Variants in AGMO observed in about 807,000 individuals in gnomAD.
The protein encoded by AGMO is glyceryl-ether monooxygenase.
Under a neutral mutation model 60.2 loss-of-function variants are expected in AGMO, and 75 were observed. The ratio of observed to expected loss-of-function variants is 1.25; its 90% CI spans 1.03 to 1.51. The LOEUF is 1.51. Ranked by LOEUF, AGMO falls within the 40% of genes most tolerant of loss-of-function variation. The pLI is 0.00. For missense variants in AGMO, 763 were observed against 525.5 expected (o/e 1.45, Z -4.42); for synonymous variants, 261 against 177.1 (o/e 1.47, Z -3.76).
chr7:15,193,423 ATG>A, the AGMO span, among the ~76,000 whole-genome samples: 5 of 152,266 alleles, frequency 3.3e-5, no homozygotes, highest in Non-Finnish European at 5.9e-5. Flanking sequence ...CTGTGAAATT[ATG>A]GCTTTTTAAA....
intron 12 of AGMO, among the ~76,000 whole-genome samples, chr7:15,362,901 G>C (rs968167596): frequency 2.0e-5 from 3 of 152,172 alleles, no homozygotes; most frequent in Non-Finnish European, 2.9e-5. Context: ...GGACGAAAAT[G>C]TACCTTGATC....
chr7:15,233,072 C>A (rs1166867258), intron 12 of AGMO, among the ~76,000 whole-genome samples: 1 of 151,980 alleles, frequency 6.6e-6, no homozygotes, highest in Middle Eastern at 3.2e-3. Flanking sequence ...TAAGAAATAG[C>A]CATGTAGGTT....
At chr7:15,445,129 C>T (rs1333621085) in intron 3 of AGMO, among the ~76,000 whole-genome samples, 3 of 152,036 alleles carry the variant, frequency 2.0e-5, no homozygotes, top group South Asian at 4.1e-4. Context: ...AACACTGTAG[C>T]GAACATGTCT....
the AGMO span, among the ~76,000 whole-genome samples, chr7:15,131,261 T>G: frequency 6.6e-6 from 1 of 152,142 alleles, no homozygotes; most frequent in Admixed American, 6.6e-5. Context: ...ATAAAGTTGC[T>G]GAATTATTTG....
chr7:15,391,187 T>G (rs943368540), intron 6 of AGMO, among the ~76,000 whole-genome samples: 7 of 152,030 alleles, frequency 4.6e-5, no homozygotes, highest in African/African-American at 1.7e-4. Context: ...TGTAAATAAT[T>G]TTTTCAGGAC....
At chr7:15,430,571 C>T (rs1440883784) in intron 4 of AGMO, among the ~76,000 whole-genome samples, 1 of 138,818 alleles carries the variant, frequency 7.2e-6, no homozygotes, top group African/African-American at 2.7e-5. Context: ...GCAAAGCATT[C>T]AACTAGATTT....
the AGMO span, among the ~76,000 whole-genome samples, chr7:15,127,014 G>A: frequency 1.3e-5 from 2 of 151,978 alleles, no homozygotes; most frequent in Non-Finnish European, 2.9e-5. Context: ...TCAGCTAATT[G>A]TCAACCAGAA....
At chr7:15,322,144 A>T (rs1348244916) in intron 12 of AGMO, among the ~76,000 whole-genome samples, 1 of 151,726 alleles carries the variant, frequency 6.6e-6, no homozygotes, top group Admixed American at 6.6e-5. Flanking sequence ...CCATCTCTAA[A>T]ACAATTAAAT....
intron 12 of AGMO, among the ~76,000 whole-genome samples, chr7:15,271,497 T>C (rs554989609): frequency 2.0e-5 from 3 of 152,294 alleles, no homozygotes; most frequent in East Asian, 1.9e-4. Context: ...CAATATTAAC[T>C]ATCTTTTTAT....
intron 3 of AGMO, among the ~76,000 whole-genome samples, chr7:15,463,046 A>C (rs915530613): frequency 2.6e-5 from 4 of 152,176 alleles, no homozygotes; most frequent in African/African-American, 9.6e-5. Flanking sequence ...GATTATCGAG[A>C]GTGGATAACT....
the AGMO span, among the ~76,000 whole-genome samples, chr7:15,133,227 TG>T: frequency 6.6e-6 from 1 of 152,150 alleles, no homozygotes; most frequent in Non-Finnish European, 1.5e-5. Context: ...TGACAAGCAG[TG>T]CAATAACCTA....
In AGMO at chr7:15,281,653, T is replaced by C. The variant is rs528562213; in HGVS notation, c.1264-80294A>G. ...GTCTATTCCACTGAGAGCTCCTCCATGCACTTCTGTCAGGACAGAGGCATT... is the reference window on the plus strand; with the variant it reads ...GTCTATTCCACTGAGAGCTCCTCCACGCACTTCTGTCAGGACAGAGGCATT... On this transcript the variant is annotated intron_variant, in intron 12 of 12. Coordinates refer to ENST00000342526, the MANE Select transcript of AGMO (RefSeq NM_001004320.2). 1.1e-4 allele frequency among the ~76,000 whole-genome samples: 17 copies of C among 152,262 alleles called. No homozygotes were observed. In the South Asian group the frequency reaches 2.3e-3, roughly 20 times the overall value.
At chr7:15,118,876 A>ATTTTT in the AGMO span, among the ~76,000 whole-genome samples, 40 of 81,756 alleles carry the variant, frequency 4.9e-4, 3 homozygotes, top group East Asian at 2.2e-3. Flanking sequence ...AGACGTCAGT[A>ATTTTT]TTTTTTTTTT....
intron 3 of AGMO, among the ~76,000 whole-genome samples, chr7:15,499,011 G>A (rs1783308434): frequency 6.6e-6 from 1 of 151,930 alleles, no homozygotes; most frequent in African/African-American, 2.4e-5. Flanking sequence ...ATATTAGCAT[G>A]CATAGAGTTA....
chr7:15,293,008 C>T (rs1784316794), intron 12 of AGMO, among the ~76,000 whole-genome samples: 1 of 151,900 alleles, frequency 6.6e-6, no homozygotes, highest in Non-Finnish European at 1.5e-5. Context: ...GGTGATCAGC[C>T]CTACTTGGCC....
chr7:15,225,507 T>A (rs1782052895), intron 12 of AGMO, among the ~76,000 whole-genome samples: 2 of 151,960 alleles, frequency 1.3e-5, no homozygotes, highest in South Asian at 4.1e-4. Flanking sequence ...AAATTTACCA[T>A]CCTACCAGAA....
At position 15,366,200 on chromosome 7, in the gene AGMO, A is replaced by G. The variant is rs1209609559; in HGVS notation, c.1097T>C (p.Leu366Pro). The G allele has an allele frequency of 1.9e-6, 3 of 1,607,696 alleles. No individual in the cohort carries two copies. In the South Asian group the frequency reaches 3.3e-5, roughly 18 times the overall value. The change falls in exon 11 of 13, where the codon CTT becomes CCT. Residue 366 changes from leucine (L) to proline (P), a missense_variant. Transcript: ENST00000342526. ...DTAALSQVTL[L>P]LRVCFIILTL... ...CAGGATAATGAAGCAAACCCTCAGAAGGAGAGTAACTTGCGACAGTGCCTG... is the reference window on the plus strand; with the variant it reads ...CAGGATAATGAAGCAAACCCTCAGAGGGAGAGTAACTTGCGACAGTGCCTG...
the AGMO span, among the ~76,000 whole-genome samples, chr7:15,121,236 G>C: frequency 5.3e-5 from 8 of 152,214 alleles, no homozygotes; most frequent in South Asian, 1.2e-3. Context: ...GGGCATTTGG[G>C]TTGGTTCCAA....
chr7:15,481,556 C>T (rs1044108320), intron 3 of AGMO, among the ~76,000 whole-genome samples: 1 of 151,958 alleles, frequency 6.6e-6, no homozygotes, highest in Non-Finnish European at 1.5e-5. Context: ...AACAACATAA[C>T]TTCAAAATGT....
Sources: allele counts gnomAD v4.1 joint callset (sites outside exome capture counted in the v4.1 genomes callset), GRCh38; gene constraint gnomAD v4.1.1; transcripts MANE v1.5; gene names NCBI Gene and HGNC (gene_info 2026-07-23, HGNC 2026-07-21).